VGLL4: variants seen among roughly 807,000 people sequenced by gnomAD.
VGLL4 encodes transcription cofactor vestigial-like protein 4.
A neutral mutation model predicts 21.0 loss-of-function variants in VGLL4; 7 were observed. That is an observed-to-expected ratio of 0.33 (90% CI 0.19 to 0.63). The LOEUF is 0.63. Among genes scored for constraint, VGLL4 ranks in the 20% least tolerant of loss-of-function variants. The pLI is 0.78. For synonymous variants in VGLL4, 222 were observed against 173.2 expected (o/e 1.28, Z -2.21); for missense variants, 394 against 425.7 (o/e 0.93, Z 0.66).
At chr3:11,574,329 TCCTGAGATCCACTGGG>T (rs1427168300) in intron 2 of VGLL4, among the ~76,000 whole-genome samples, 1 of 152,082 alleles carries the variant, frequency 6.6e-6, no homozygotes, top group Non-Finnish European at 1.5e-5. Context: ...TAAAGAGAGG[TCCTGAGATCCACTGGG>T]CCTCGGTCAC....
chr3:11,623,749 CT>C (rs1553732720), intron 1 of VGLL4, among the ~76,000 whole-genome samples: 154 of 123,488 alleles, frequency 1.2e-3, no homozygotes, highest in Non-Finnish European at 1.6e-3. Context: ...TGAAAATTTT[CT>C]TTTTTTTTTT....
intron 2 of VGLL4, among the ~76,000 whole-genome samples, chr3:11,695,343 C>T (rs1330670116): frequency 2.0e-5 from 3 of 151,890 alleles, no homozygotes; most frequent in South Asian, 2.1e-4. Context: ...CCACCATGCC[C>T]GGCCCAGGAA....
intron 1 of VGLL4, among the ~76,000 whole-genome samples, chr3:11,635,920 G>A (rs919812110): frequency 6.6e-6 from 1 of 152,166 alleles, no homozygotes; most frequent in Admixed American, 6.5e-5. Context: ...TTAAGCATTA[G>A]AGAAGAGGTC....
Position 11,568,638 on chromosome 3 carries a change from C to G in VGLL4, c.273-3619G>C. On this transcript the variant is annotated intron_variant, in intron 2 of 4. Transcript: ENST00000430365. The surrounding 1 kb of genome is among the most constrained non-coding windows in gnomAD (Gnocchi z 5.9). ...CTCATTTTCCTGGTTCCCGGAGCTT[C>G]AAGACAGACATTGTTTTCCAGGCCC... 1 of 1,568,898 alleles carries G rather than the reference C, an allele frequency of 6.4e-7. No individual in the cohort carries two copies. The highest frequency in any genetic ancestry group is 8.7e-7 in the Non-Finnish European group (1 of 1,155,176).
chr3:11,701,470 T>G (rs1439179335), intron 2 of VGLL4, among the ~76,000 whole-genome samples: 2 of 152,176 alleles, frequency 1.3e-5, no homozygotes, highest in Non-Finnish European at 2.9e-5. Context: ...GTAAATGGAC[T>G]AAGACACATG....
chr3:11,716,130 C>T (rs560519534), intron 1 of VGLL4, among the ~76,000 whole-genome samples: 5 of 151,904 alleles, frequency 3.3e-5, no homozygotes, highest in African/African-American at 9.7e-5. Context: ...GGTGAAGCCC[C>T]GTATCTACTA....
chr3:11,609,490 G>A (rs925015614), intron 1 of VGLL4, among the ~76,000 whole-genome samples: 7 of 152,124 alleles, frequency 4.6e-5, no homozygotes, highest in African/African-American at 9.7e-5. Context: ...TCATTTATTC[G>A]AATACTACAA....
In VGLL4 at chr3:11,643,622, AAG is replaced by A. The variant is rs1370023149; in HGVS notation, c.-106_-105del. On this transcript the variant is annotated 5_prime_UTR_variant, in exon 1 of 5. Transcript: ENST00000430365. ...TAGCTCCTGGCTCTTCAACTTCACA[AAG>A]GCAGAGGCCCAGCCTCAGACTATCA... The A allele has an allele frequency of 5.1e-6, 8 of 1,578,604 alleles. No individual in the cohort carries two copies. The East Asian group carries it at 1.3e-4, about 27-fold the overall frequency.
chr3:11,558,433 C>CAAAT lies in VGLL4; in HGVS notation c.*119_*122dup. On this transcript the variant is annotated 3_prime_UTR_variant, in exon 5 of 5. Transcript: ENST00000430365. ...ACAAATCCCAACAACATGGTTTTTGCAAATAAACCATCCCTTCCCTTCCCC... is the reference window on the plus strand; with the variant it reads ...ACAAATCCCAACAACATGGTTTTTGCAAATAAATAAACCATCCCTTCCCTTCCCC... 7.1e-7 allele frequency: 1 copy of CAAAT among 1,401,596 alleles called. No homozygotes were observed. The highest frequency in any genetic ancestry group is 9.4e-7 in the Non-Finnish European group (1 of 1,061,782). The allele number at this position is 1,401,596 out of a possible 1,614,324, so 86.8% of individuals were successfully genotyped here.
intron 1 of VGLL4, among the ~76,000 whole-genome samples, chr3:11,711,489 C>A (rs962048865): frequency 6.6e-6 from 1 of 151,668 alleles, no homozygotes; most frequent in Non-Finnish European, 1.5e-5. Context: ...ATGGCGTGAA[C>A]CCGGGAGGCA....
At chr3:11,626,722 G>A (rs907946528) in intron 1 of VGLL4, among the ~76,000 whole-genome samples, 3 of 152,132 alleles carry the variant, frequency 2.0e-5, no homozygotes, top group African/African-American at 7.2e-5. Context: ...CAAACAGCCC[G>A]TTACTCCATG....
At chr3:11,580,746 G>C (rs574665135) in intron 2 of VGLL4, among the ~76,000 whole-genome samples, 7 of 152,324 alleles carry the variant, frequency 4.6e-5, no homozygotes, top group African/African-American at 1.2e-4. Flanking sequence ...CATCAATAAT[G>C]TAAACACTGG....
chr3:11,570,471 C>G (rs757489063), intron 2 of VGLL4, among the ~76,000 whole-genome samples: 1 of 152,302 alleles, frequency 6.6e-6, no homozygotes, highest in Non-Finnish European at 1.5e-5. Flanking sequence ...CTGGCTGGAC[C>G]GTGCACTCCC....
At chr3:11,578,219 G>T (rs1018671097) in intron 2 of VGLL4, among the ~76,000 whole-genome samples, 1 of 152,178 alleles carries the variant, frequency 6.6e-6, no homozygotes, top group African/African-American at 2.4e-5. Flanking sequence ...TGCACAGTGT[G>T]GTCACATAAA....
At chr3:11,643,208 C>T (rs2290307) in intron 1 of VGLL4, among the ~76,000 whole-genome samples, 17,081 of 152,216 alleles carry the variant, frequency 0.11, 1,255 homozygotes, top group South Asian at 0.27. Context: ...AACGAGCAAA[C>T]TTTGAAGGGT....
intron 2 of VGLL4, among the ~76,000 whole-genome samples, chr3:11,567,607 G>A (rs886301245): frequency 2.0e-5 from 3 of 152,124 alleles, no homozygotes; most frequent in East Asian, 1.9e-4. Flanking sequence ...TGTCTGTGGC[G>A]ATTCAGAAGA....
intron 2 of VGLL4, among the ~76,000 whole-genome samples, chr3:11,580,108 G>A (rs186154589): frequency 3.9e-5 from 6 of 152,254 alleles, no homozygotes; most frequent in Non-Finnish European, 7.3e-5. Flanking sequence ...GCCGCCAACC[G>A]CACCATCCGT....
chr3:11,582,309 G>A lies in VGLL4; in HGVS notation c.273-17290C>T, dbSNP rs772761631. The A allele has an allele frequency of 5.0e-6, 8 of 1,601,186 alleles. No individual in the cohort carries two copies. The South Asian group carries it at 9.1e-5, about 18-fold the overall frequency. ...ACCTCACTTTAATCATTGCCAAAGA[G>A]CATGAAGACAGCCCAGCGTCCTCCC... On this transcript the variant is annotated intron_variant, in intron 2 of 4. Transcript: ENST00000430365.
At chr3:11,676,204 G>A (rs954030064) in intron 2 of VGLL4, among the ~76,000 whole-genome samples, 2 of 151,982 alleles carry the variant, frequency 1.3e-5, no homozygotes, top group African/African-American at 4.8e-5. Flanking sequence ...TGGCTAACAC[G>A]GTGAAACCCC....
Sources: allele counts gnomAD v4.1 joint callset (sites outside exome capture counted in the v4.1 genomes callset), GRCh38; gene constraint gnomAD v4.1.1; non-coding constraint Gnocchi (gnomAD v3.1); transcripts MANE v1.5; gene names NCBI Gene and HGNC (gene_info 2026-07-23, HGNC 2026-07-21).